HDLBP: variants seen among roughly 807,000 people sequenced by gnomAD.
HDLBP encodes the protein high density lipoprotein binding protein.
A neutral mutation model predicts 137.3 loss-of-function variants in HDLBP; 30 were observed. That is an observed-to-expected ratio of 0.22 (90% CI 0.16 to 0.30). The LOEUF (loss-of-function observed/expected upper bound fraction) is 0.30. Ranked by LOEUF, HDLBP falls within the 10% of genes least tolerant of loss-of-function variation. HDLBP has a pLI of 1.00. For missense variants in HDLBP, 1,119 were observed against 1,667.3 expected (o/e 0.67, Z 5.73); for synonymous variants, 606 against 596.0 (o/e 1.02, Z -0.24).
rs1181284534 is a variant in HDLBP, at chr2:241,228,614, C to T, written c.*987G>A. 1 of 152,636 alleles carries T rather than the reference C, an allele frequency of 6.6e-6. No homozygotes were observed. The highest frequency in any genetic ancestry group is 1.5e-5 in the Non-Finnish European group (1 of 68,088). 9.5% of individuals were successfully genotyped at this position (152,636 alleles called of 1,614,324 possible). A position where few individuals can be genotyped will look rare whatever the true frequency, so the allele number is the denominator to read the frequency against. On this transcript the variant is annotated 3_prime_UTR_variant, in exon 28 of 28. Coordinates refer to ENST00000310931, the MANE Select transcript of HDLBP (RefSeq NM_005336.6). The stretch of plus-strand genomic sequence containing the variant: ...CCCAGCTCCACGGGAAACCCATAAC[C>T]ACCAGAAACATCTCAATCAAGAGAC...
At chr2:241,311,772 G>A (rs2075764856) in intron 1 of HDLBP, among the ~76,000 whole-genome samples, 1 of 152,206 alleles carries the variant, frequency 6.6e-6, no homozygotes, top group Admixed American at 6.5e-5. Context: ...TCGTCCAGCT[G>A]TAAATGGCAA....
chr2:241,262,628 A>G (rs1438661551), intron 5 of HDLBP, 83 bp downstream of exon 5: 2 of 1,022,166 alleles, frequency 2.0e-6, no homozygotes, highest in Non-Finnish European at 3.1e-6. Flanking sequence ...GGAAGGGTCC[A>G]GTGACGTTCT....
chr2:241,230,012 A>G lies in HDLBP; in HGVS notation c.3592-51T>C, dbSNP rs769139339. 1 of 1,570,216 alleles carries G rather than the reference A, an allele frequency of 6.4e-7. No individual in the cohort carries two copies. The highest frequency in any genetic ancestry group is 8.7e-7 in the Non-Finnish European group (1 of 1,155,838). On this transcript the variant is annotated intron_variant, in intron 26 of 27. Transcript: ENST00000310931. This position sits in a 1 kb window ranked among gnomAD's most constrained non-coding sequence, Gnocchi z 5.0. ...GGTCAGTCTGCCCAGCACCCCCAGC[A>G]TCCCGCCCGCCTGCTCACCCCTGCA...
chr2:241,274,434 G>C (rs777293088), intron 1 of HDLBP, among the ~76,000 whole-genome samples: 6 of 152,234 alleles, frequency 3.9e-5, no homozygotes, highest in Non-Finnish European at 5.9e-5. Context: ...TGGTTTGTTG[G>C]TAACCTTTCC....
intron 1 of HDLBP, among the ~76,000 whole-genome samples, chr2:241,299,031 A>G (rs1022776038): frequency 6.6e-6 from 1 of 152,146 alleles, no homozygotes; most frequent in Non-Finnish European, 1.5e-5. Context: ...TGATGGCTGT[A>G]TTGCGGTTAA....
chr2:241,238,075 C>CT lies in HDLBP; in HGVS notation c.2749+573dup, dbSNP rs2070778177. Among the ~76,000 whole-genome samples, 1 of 152,226 alleles carries CT rather than the reference C, an allele frequency of 6.6e-6. No individual in the cohort carries two copies. Among genetic ancestry groups the CT allele is most frequent in the South Asian group, 2.1e-4 (1 of 4,830 alleles). On this transcript the variant is annotated intron_variant, in intron 20 of 27. Transcript: ENST00000310931. The surrounding 1 kb of genome is among the most constrained non-coding windows in gnomAD (Gnocchi z 4.9). The stretch of plus-strand genomic sequence containing the variant: ...TGATAACACAGAGTGGAGGGCATAC[C>CT]TTTTGTTTCACAAATGCAGAGCAAG...
At chr2:241,301,624 A>G (rs1370820986) in intron 1 of HDLBP, among the ~76,000 whole-genome samples, 1 of 152,168 alleles carries the variant, frequency 6.6e-6, no homozygotes, top group Non-Finnish European at 1.5e-5. Flanking sequence ...AAAGCAAAGG[A>G]AAAGTGAATT....
chr2:241,270,033 C>T (rs2149565512), intron 1 of HDLBP, among the ~76,000 whole-genome samples: 1 of 152,324 alleles, frequency 6.6e-6, no homozygotes. Flanking sequence ...GTGACAGCCA[C>T]ACTAGAAGTC....
chr2:241,232,940 T>C (rs1287452180), intron 24 of HDLBP, among the ~76,000 whole-genome samples: 3 of 151,378 alleles, frequency 2.0e-5, no homozygotes, highest in Non-Finnish European at 4.4e-5. Flanking sequence ...GGCTGGTGTG[T>C]GTGTGACTCA....
At position 241,272,805 on chromosome 2, in the gene HDLBP, C is replaced by G. The variant is rs951722080; in HGVS notation, c.-102-4264G>C. On this transcript the variant is annotated intron_variant, in intron 1 of 27. Coordinates refer to ENST00000310931, the MANE Select transcript of HDLBP (RefSeq NM_005336.6). The surrounding 1 kb of genome is among the most constrained non-coding windows in gnomAD (Gnocchi z 5.6). ...GGTCCTGCCGCTGGCTTACTCGCCC[C>G]CCGCGCGGGAGAAGCCGGGACGCTC... The G allele has an allele frequency of 2.4e-4, 66 of 278,884 alleles. No individual in the cohort carries two copies. Among genetic ancestry groups the G allele is most frequent in the African/African-American group, 1.4e-3 (63 of 43,568 alleles). 17.3% of individuals were successfully genotyped at this position (278,884 alleles called of 1,614,324 possible). A position where few individuals can be genotyped will look rare whatever the true frequency, so the allele number is the denominator to read the frequency against.
rs1355568281 is a variant in HDLBP, at chr2:241,233,880, G to C, written c.3228C>G (p.Thr1076=). 3 of 1,614,030 alleles carry C rather than the reference G, an allele frequency of 1.9e-6. No homozygotes were observed. Among genetic ancestry groups the C allele is most frequent in the Non-Finnish European group, 2.5e-6 (3 of 1,180,022 alleles). The change falls in exon 24 of 28, where the codon ACC becomes ACG. Residue 1076 remains threonine, a synonymous_variant. Transcript: ENST00000310931. The surrounding 1 kb of genome is among the most constrained non-coding windows in gnomAD (Gnocchi z 4.3). ...TCACGTCATGCTCCAACCGGATTTG[G>C]GTAATTACTGCCCCCTTTCTCCCGA... ...KIIGRKGAVI[T]QIRLEHDVNI...
chr2:241,229,613 G>A lies in HDLBP; in HGVS notation c.3795C>T (p.Gly1265=). 6.2e-7 allele frequency: 1 copy of A among 1,613,448 alleles called. No individual in the cohort carries two copies. The highest frequency in any genetic ancestry group is 8.5e-7 in the Non-Finnish European group (1 of 1,179,464). Residue 1265 remains glycine (G), a synonymous_variant, in exon 28 of 28, where the codon GGC becomes GGT. Transcript: ENST00000310931. ...AQVAPKTLPW[G]PKR is the part of the protein sequence containing the mutation. The stretch of plus-strand genomic sequence containing the variant: ...TTCTTTTTGATCATTATCGTTTGGG[G>A]CCCCAAGGGAGGGTCTTGGGAGCCA...
chr2:241,253,963 G>A (rs1329912400), intron 9 of HDLBP, among the ~76,000 whole-genome samples: 1 of 152,178 alleles, frequency 6.6e-6, no homozygotes, highest in Non-Finnish European at 1.5e-5. Context: ...AGTTAAGGAA[G>A]GCAGACTGGT....
At chr2:241,303,121 T>C (rs941617734) in intron 1 of HDLBP, among the ~76,000 whole-genome samples, 2 of 152,156 alleles carry the variant, frequency 1.3e-5, no homozygotes, top group Admixed American at 1.3e-4. Context: ...CTGCACCTGG[T>C]TGAAGTTATT....
intron 1 of HDLBP, among the ~76,000 whole-genome samples, chr2:241,280,764 A>G (rs1234610847): frequency 1.3e-5 from 2 of 152,200 alleles, no homozygotes; most frequent in African/African-American, 2.4e-5. Flanking sequence ...TTAATAATTC[A>G]CATTTCTAAG....
intron 1 of HDLBP, chr2:241,273,714 G>A (rs1451033253): frequency 2.3e-5 from 22 of 966,678 alleles, no homozygotes; most frequent in Non-Finnish European, 2.7e-5. Flanking sequence ...TCCCACACAG[G>A]GGAAGAGGTA....
intron 17 of HDLBP, among the ~76,000 whole-genome samples, 165 bp downstream of exon 17, chr2:241,242,295 C>T (rs2071316695): frequency 6.6e-6 from 1 of 150,590 alleles, no homozygotes; most frequent in Non-Finnish European, 1.5e-5. Flanking sequence ...CTGGAAAGGC[C>T]CTCCAGTAAC....
chr2:241,258,339 T>TC (rs1307018999), intron 5 of HDLBP, among the ~76,000 whole-genome samples: 1 of 91,046 alleles, frequency 1.1e-5, no homozygotes, highest in Admixed American at 1.9e-4. Flanking sequence ...AGAGCAAGAC[T>TC]CCGTCTCAAA....
chr2:241,270,609 C>T (rs2073973112), intron 1 of HDLBP, among the ~76,000 whole-genome samples: 1 of 152,210 alleles, frequency 6.6e-6, no homozygotes. Context: ...TCCTTCTGTG[C>T]TCCCAATCCA....
Sources: gnomAD v4.1 joint callset for allele counts (sites outside exome capture counted in the v4.1 genomes callset) on GRCh38, gnomAD v4.1.1 for gene constraint, Gnocchi (gnomAD v3.1) non-coding constraint, MANE v1.5 for transcripts, NCBI Gene and HGNC (gene_info 2026-07-23, HGNC 2026-07-21) for gene names.